The following EML1 variants were observed in gnomAD, a reference collection of about 807,000 sequenced individuals.
The protein encoded by EML1 is echinoderm microtubule-associated protein-like 1.
A neutral mutation model predicts 110.4 loss-of-function variants in EML1; 27 were observed. The observed-to-expected ratio is 0.24, with a 90% CI of 0.18 to 0.34. The LOEUF (loss-of-function observed/expected upper bound fraction) is 0.34. EML1 is among the 10% of genes least tolerant of loss of function. EML1 has a pLI of 1.00. For missense variants in EML1, 741 were observed against 1,030.9 expected (o/e 0.72, Z 3.85); for synonymous variants, 344 against 385.8 (o/e 0.89, Z 1.27).
intron 1 of EML1, among the ~76,000 whole-genome samples, chr14:99,842,648 A>T (rs2058650933): frequency 6.6e-6 from 1 of 152,172 alleles, no homozygotes; most frequent in South Asian, 2.1e-4. Context: ...AAATATTAAA[A>T]TCAAACTTTT....
intron 17 of EML1, among the ~76,000 whole-genome samples, chr14:99,922,408 A>T (rs1309743926): frequency 6.6e-6 from 1 of 151,936 alleles, no homozygotes; most frequent in Admixed American, 6.6e-5. Context: ...GAGCCACCGC[A>T]CCCTGGCCTT....
chr14:99,901,684 G>A (rs1357552427), intron 9 of EML1, among the ~76,000 whole-genome samples: 1 of 152,182 alleles, frequency 6.6e-6, no homozygotes, highest in East Asian at 1.9e-4. Flanking sequence ...GGTGCTGGTG[G>A]GAGTGTAGCA....
At chr14:99,907,472 A>G in intron 9 of EML1, 166 bp from the exon 10 acceptor site, 1 of 649,216 alleles carries the variant, frequency 1.5e-6, no homozygotes. Context: ...TGTCTCCAGA[A>G]AAAGAAAGAA....
chr14:99,747,217 A>G (rs1259664719), intron 1 of EML1, among the ~76,000 whole-genome samples: 1 of 151,356 alleles, frequency 6.6e-6, no homozygotes, highest in East Asian at 1.9e-4. Flanking sequence ...GGAAGAAAAG[A>G]AAAACAGTCA....
chr14:99,837,174 G>A (rs772974955), intron 1 of EML1, among the ~76,000 whole-genome samples: 2 of 152,006 alleles, frequency 1.3e-5, no homozygotes, highest in Non-Finnish European at 2.9e-5. Context: ...AACCCCAATC[G>A]TCTTGGCTGC....
chr14:99,780,310 G>T (rs140961299), intron 1 of EML1, among the ~76,000 whole-genome samples: 93 of 152,124 alleles, frequency 6.1e-4, no homozygotes, highest in African/African-American at 1.9e-3. Flanking sequence ...ACCCTCTTTT[G>T]CCCCCACTGT....
rs116261187 is a variant in EML1 at position 99,783,774 on chromosome 14, C to T, written c.-27+9761C>T. ...CTGGGATTATAGGCGTGAGCCACCACGTCTGGCCCCAAAGGGGTACTATTA... is the reference window on the plus strand; with the variant it reads ...CTGGGATTATAGGCGTGAGCCACCATGTCTGGCCCCAAAGGGGTACTATTA... On this transcript the variant is annotated intron_variant, in intron 1 of 22. Transcript: ENST00000327921. Among the ~76,000 whole-genome samples, 1,025 of 152,266 alleles carry T rather than the reference C, an allele frequency of 6.7e-3. 4 individuals are homozygous for T. Among genetic ancestry groups the T allele is most frequent in the African/African-American group, 0.023 (968 of 41,574 alleles).
At chr14:99,739,091 TGA>T (rs1555385397) in intron 1 of EML1, among the ~76,000 whole-genome samples, 79 of 136,500 alleles carry the variant, frequency 5.8e-4, no homozygotes, top group East Asian at 4.0e-3. Flanking sequence ...TGTGTGTGTG[TGA>T]GAGAGAGAGA....
chr14:99,887,986 G>A (rs1453707955), intron 4 of EML1, among the ~76,000 whole-genome samples: 1 of 152,148 alleles, frequency 6.6e-6, no homozygotes, highest in Non-Finnish European at 1.5e-5. Context: ...AAAAGGTGGT[G>A]GTGCATTGGC....
At chr14:99,928,648 C>G (rs1223372157) in intron 17 of EML1, among the ~76,000 whole-genome samples, 1 of 152,166 alleles carries the variant, frequency 6.6e-6, no homozygotes, top group Non-Finnish European at 1.5e-5. Context: ...AAATACGTGG[C>G]TGACTCTGAG....
intron 1 of EML1, among the ~76,000 whole-genome samples, chr14:99,808,544 T>C (rs999197327): frequency 1.3e-5 from 2 of 152,208 alleles, no homozygotes; most frequent in Admixed American, 1.3e-4. Flanking sequence ...TATATACGTA[T>C]TTAGTGAAAA....
intron 1 of EML1, among the ~76,000 whole-genome samples, chr14:99,749,047 C>T (rs1020591970): frequency 5.3e-5 from 8 of 152,176 alleles, no homozygotes; most frequent in Admixed American, 1.3e-4. Flanking sequence ...ATGTTTCACT[C>T]GTCTGTTCAC....
chr14:99,872,351 T>C (rs1875749432), intron 3 of EML1, among the ~76,000 whole-genome samples: 1 of 152,154 alleles, frequency 6.6e-6, no homozygotes, highest in Non-Finnish European at 1.5e-5. Flanking sequence ...CGTGAAAAAT[T>C]ATGCTTAGTA....
chr14:99,885,803 G>A (rs528035697), intron 4 of EML1: 28 of 436,038 alleles, frequency 6.4e-5, no homozygotes, highest in African/African-American at 2.9e-4. Flanking sequence ...CATGTTGGAC[G>A]CATTGTAACA....
intron 16 of EML1, among the ~76,000 whole-genome samples, chr14:99,920,271 T>G (rs953669954): frequency 1.3e-5 from 2 of 152,172 alleles, no homozygotes; most frequent in African/African-American, 4.8e-5. Context: ...GCTCTGTGCT[T>G]TCCCTCGCCC....
At chr14:99,741,841 A>G (rs1470075092) in intron 1 of EML1, among the ~76,000 whole-genome samples, 1 of 152,116 alleles carries the variant, frequency 6.6e-6, no homozygotes, top group Non-Finnish European at 1.5e-5. Context: ...CAGGGCAGAC[A>G]AGTGCTGGAA....
chr14:99,910,370 G>C (rs1252512492), intron 12 of EML1, 29 bp downstream of exon 12: 1 of 1,558,946 alleles, frequency 6.4e-7, no homozygotes, highest in Non-Finnish European at 8.8e-7. Flanking sequence ...CAAAACCAAT[G>C]GTTTTTGGTA....
upstream of EML1, among the ~76,000 whole-genome samples, chr14:99,770,377 T>TTCTTTCTATCTATCTATCTA (rs1555388115): frequency 3.9e-3 from 590 of 150,300 alleles, 8 homozygotes; most frequent in African/African-American, 0.014. Flanking sequence ...AAAAATTTCT[T>TTCTTTCTATCTATCTATCTA]TCTATCTATC....
At chr14:99,829,319 A>T (rs567523296) in intron 1 of EML1, among the ~76,000 whole-genome samples, 1 of 152,292 alleles carries the variant, frequency 6.6e-6, no homozygotes, top group South Asian at 2.1e-4. Flanking sequence ...CATGAGTGAC[A>T]GCATCTGTCC....
Sources: gnomAD v4.1 joint callset for allele counts (sites outside exome capture counted in the v4.1 genomes callset) on GRCh38, gnomAD v4.1.1 for gene constraint, MANE v1.5 for transcripts, NCBI Gene and HGNC (gene_info 2026-07-23, HGNC 2026-07-21) for gene names.